SOX6: variants seen among roughly 807,000 people sequenced by gnomAD.
SOX6 encodes SRY-box transcription factor 6, also known as transcription factor SOX-6.
SOX6 carries 11 observed loss-of-function variants against 97.8 expected under a neutral mutation model. The ratio of observed to expected loss-of-function variants is 0.11; its 90% CI spans 0.07 to 0.19. The LOEUF is 0.19. SOX6 is among the 10% of genes least tolerant of loss of function. SOX6 has a pLI of 1.00. For synonymous variants in SOX6, 360 were observed against 371.4 expected (o/e 0.97, Z 0.35); for missense variants, 810 against 1,039.5 (o/e 0.78, Z 3.04).
chr11:16,247,395 T>C (rs1395661140), intron 3 of SOX6, among the ~76,000 whole-genome samples: 3 of 152,184 alleles, frequency 2.0e-5, no homozygotes, highest in Non-Finnish European at 4.4e-5. Context: ...CATCTCAATA[T>C]ACTGATTTCC....
intron 3 of SOX6, among the ~76,000 whole-genome samples, chr11:16,695,097 G>A (rs536552308): frequency 6.6e-6 from 1 of 152,254 alleles, no homozygotes; most frequent in South Asian, 2.1e-4. Flanking sequence ...GGATACCAAG[G>A]GATGACTGTA....
rs567889129 is a variant in SOX6 at position 16,301,194 on chromosome 11, A to G, written c.445+17252T>C. ...AAGAATAATAAAATGAGAAGGTAAT[A>G]TCTATTACTCCTTGACATATACAGC... On this transcript the variant is annotated intron_variant, in intron 3 of 15. Transcript: ENST00000683767. 3.7e-4 allele frequency among the ~76,000 whole-genome samples: 57 copies of G among 152,338 alleles called. No homozygotes were observed. The South Asian group carries it at 0.012, about 32-fold the overall frequency.
At chr11:16,729,154 T>TC (rs1191640592) in intron 2 of SOX6, among the ~76,000 whole-genome samples, 2 of 152,136 alleles carry the variant, frequency 1.3e-5, no homozygotes, top group Admixed American at 6.5e-5. Context: ...TGGAAAACAC[T>TC]TCAGGATATT....
intron 4 of SOX6, among the ~76,000 whole-genome samples, chr11:16,583,616 T>TATATATATATATATAC (rs1565186396): frequency 1.9e-5 from 1 of 52,502 alleles, no homozygotes; most frequent in Non-Finnish European, 3.6e-5. Context: ...TATATATACA[T>TATATATATATATATAC]ATATATATAT....
At chr11:16,220,857 C>CGGGGA (rs1852518568) in intron 4 of SOX6, among the ~76,000 whole-genome samples, 1 of 152,008 alleles carries the variant, frequency 6.6e-6, no homozygotes, top group Non-Finnish European at 1.5e-5. Context: ...ATCAAACCCA[C>CGGGGA]ATGTGATCAA....
rs1297865519 is a variant in SOX6, at chr11:16,046,501, G to C, written c.1623+13C>G. The C allele has an allele frequency of 6.2e-7, 1 of 1,612,380 alleles. No individual in the cohort carries two copies. Among genetic ancestry groups the C allele is most frequent in the Non-Finnish European group, 8.5e-7 (1 of 1,179,548 alleles). ...AGTCTAGCAGATCCAGTGACACAAG[G>C]AAGCAGTTTTACCTTTTCATTCCTG... On this transcript the variant is annotated intron_variant, in intron 12 of 15. Coordinates refer to ENST00000683767, the MANE Select transcript of SOX6 (RefSeq NM_001367873.1).
chr11:16,254,479 G>T (rs1340024672), intron 3 of SOX6, among the ~76,000 whole-genome samples: 2 of 151,906 alleles, frequency 1.3e-5, no homozygotes, highest in Non-Finnish European at 2.9e-5. Context: ...GTAATACAAG[G>T]GATGGGATAG....
intron 4 of SOX6, among the ~76,000 whole-genome samples, chr11:16,552,275 G>A (rs973087477): frequency 6.6e-6 from 1 of 151,960 alleles, no homozygotes; most frequent in African/African-American, 2.4e-5. Flanking sequence ...AATCAAAAAA[G>A]GAAAATGCAT....
intron 3 of SOX6, among the ~76,000 whole-genome samples, chr11:16,627,713 A>T (rs1194404429): frequency 6.6e-6 from 1 of 152,226 alleles, no homozygotes; most frequent in Non-Finnish European, 1.5e-5. Context: ...TGTTGGATGC[A>T]TAGTTTGCAA....
intron 3 of SOX6, among the ~76,000 whole-genome samples, chr11:16,291,280 AG>A: frequency 7.6e-6 from 1 of 131,188 alleles, no homozygotes; most frequent in African/African-American, 2.9e-5. Context: ...TATATATACG[AG>A]GTGTTGTGCT....
intron 9 of SOX6, among the ~76,000 whole-genome samples, chr11:16,084,696 G>A (rs1848540675): frequency 6.6e-6 from 1 of 152,294 alleles, no homozygotes; most frequent in Middle Eastern, 3.4e-3. Flanking sequence ...TGTATAGACA[G>A]AGAACATGTA....
chr11:16,642,233 C>T (rs1172372823), intron 3 of SOX6, among the ~76,000 whole-genome samples: 2 of 152,088 alleles, frequency 1.3e-5, no homozygotes, highest in Non-Finnish European at 1.5e-5. Context: ...TGAATATTGG[C>T]CCCCACTCTC....
At chr11:16,719,732 T>C (rs1049908173) in intron 2 of SOX6, among the ~76,000 whole-genome samples, 7 of 152,118 alleles carry the variant, frequency 4.6e-5, no homozygotes, top group Non-Finnish European at 1.0e-4. Flanking sequence ...GAGGCTAGCC[T>C]GGGCAACATA....
At chr11:16,386,049 G>A (rs1289981289) in intron 1 of SOX6, among the ~76,000 whole-genome samples, 1 of 152,098 alleles carries the variant, frequency 6.6e-6, no homozygotes, top group African/African-American at 2.4e-5. Context: ...AGCTCCCCCA[G>A]CCTTATTTCA....
At chr11:16,174,773 G>A (rs1245641991) in intron 6 of SOX6, among the ~76,000 whole-genome samples, 2 of 151,852 alleles carry the variant, frequency 1.3e-5, no homozygotes, top group Middle Eastern at 3.2e-3. Flanking sequence ...ATTTTGTGCA[G>A]CTAAAACACA....
At chr11:16,332,926 T>C (rs1050935684) in intron 2 of SOX6, among the ~76,000 whole-genome samples, 3 of 152,222 alleles carry the variant, frequency 2.0e-5, no homozygotes, top group Admixed American at 2.0e-4. Flanking sequence ...AACAGTGGAA[T>C]AATTTTAGTA....
In SOX6 at chr11:16,553,220, G is replaced by A. The variant is rs150186049; in HGVS notation, n.609+58861C>T. Among the ~76,000 whole-genome samples, 381 of 152,290 alleles carry A rather than the reference G, an allele frequency of 2.5e-3. 3 individuals are homozygous for A. The highest frequency in any genetic ancestry group is 6.8e-3 in the Middle Eastern group (2 of 294). On this transcript the variant is annotated intron_variant and non_coding_transcript_variant, in intron 4 of 5. Transcript: ENST00000524520. ...AAGAACTTAAGGTTAAGTTAGTGGT[G>A]TTAGATAGCAACATTTGCTTGAACG... is the stretch of plus-strand genomic sequence containing the variant.
intron 15 of SOX6, among the ~76,000 whole-genome samples, chr11:15,973,516 G>A (rs1159712744): frequency 1.3e-5 from 2 of 152,146 alleles, no homozygotes; most frequent in African/African-American, 2.4e-5. Flanking sequence ...ATATTATAAT[G>A]ACACTATTAA....
intron 9 of SOX6, among the ~76,000 whole-genome samples, chr11:16,084,133 A>G (rs924822680): frequency 2.6e-5 from 4 of 152,148 alleles, no homozygotes; most frequent in African/African-American, 7.2e-5. Context: ...GTCATCAGGC[A>G]TAGAAATTAG....
Sources: allele counts gnomAD v4.1 joint callset (sites outside exome capture counted in the v4.1 genomes callset), GRCh38; gene constraint gnomAD v4.1.1; transcripts MANE v1.5; gene names NCBI Gene and HGNC (gene_info 2026-07-23, HGNC 2026-07-21).